Variants in CDNF observed in about 807,000 individuals in gnomAD.
CDNF encodes cerebral dopamine neurotrophic factor, also known as ARMET-like protein 1.
In CDNF, 9 loss-of-function variants were observed where a neutral mutation model predicts 14.8. The observed-to-expected ratio is 0.61, with a 90% CI of 0.37 to 1.06. CDNF has a LOEUF of 1.06. Ranked by LOEUF, CDNF falls within the 50% of genes least tolerant of loss-of-function variation. The probability of loss-of-function intolerance (pLI) is 0.01; values close to 1 mark genes in which losing one functional copy is unlikely to be tolerated. For missense variants in CDNF, 228 were observed against 228.4 expected, an observed-to-expected ratio of 1.00 and a Z score of 0.01; for synonymous variants, 86 against 87.2, an observed-to-expected ratio of 0.99 and a Z score of 0.07.
chr10:14,825,128 G>A (rs560926940), intron 3 of CDNF, among the ~76,000 whole-genome samples: 151 of 151,808 alleles, frequency 9.9e-4, no homozygotes, highest in African/African-American at 3.3e-3. Context: ...TAATTTTTTT[G>A]TATTTTTTTA....
chr10:14,826,116 CAGCAGCAGA>C (rs1381903223), intron 2 of CDNF, among the ~76,000 whole-genome samples: 1 of 119,884 alleles, frequency 8.3e-6, no homozygotes, highest in African/African-American at 3.7e-5. Flanking sequence ...GCAGCAGCAG[CAGCAGCAGA>C]AGCAGGAGAA....
chr10:14,831,526 T>C (rs1465568322), intron 1 of CDNF, among the ~76,000 whole-genome samples: 1 of 149,280 alleles, frequency 6.7e-6, no homozygotes, highest in Non-Finnish European at 1.5e-5. Context: ...AAAATACATA[T>C]ATACACATAT....
chr10:14,824,398 G>A (rs1241148828), intron 3 of CDNF, among the ~76,000 whole-genome samples: 3 of 152,110 alleles, frequency 2.0e-5, no homozygotes, highest in Non-Finnish European at 4.4e-5. Flanking sequence ...CTGAGGTCAG[G>A]AGTTCAAGAC....
At chr10:14,825,940 G>A (rs952653449) in intron 2 of CDNF, among the ~76,000 whole-genome samples, 1 of 150,908 alleles carries the variant, frequency 6.6e-6, no homozygotes, top group Non-Finnish European at 1.5e-5. Flanking sequence ...GACAGAGTGA[G>A]ACTCCATCTC....
chr10:14,821,981 G>A (rs1041246171), intron 3 of CDNF, among the ~76,000 whole-genome samples: 2 of 152,130 alleles, frequency 1.3e-5, no homozygotes, highest in African/African-American at 4.8e-5. Context: ...AAGCACTATT[G>A]GGTTTTAAAT....
chr10:14,833,052 G>A (rs577302742), intron 1 of CDNF, among the ~76,000 whole-genome samples: 1 of 151,652 alleles, frequency 6.6e-6, no homozygotes, highest in South Asian at 2.1e-4. Flanking sequence ...TAGAGATGGG[G>A]TTTCGTTATG....
At chr10:14,828,312 A>G in intron 1 of CDNF, 40 bp from the exon 2 acceptor site, 4 of 1,603,930 alleles carry the variant, frequency 2.5e-6, no homozygotes, top group Non-Finnish European at 3.4e-6. Flanking sequence ...GCACAACTTA[A>G]CCACTACCAC....
At chr10:14,829,692 C>T (rs1833828532) in intron 1 of CDNF, among the ~76,000 whole-genome samples, 1 of 152,108 alleles carries the variant, frequency 6.6e-6, no homozygotes, top group Admixed American at 6.6e-5. Context: ...TGCAATGGCG[C>T]AATCTCAACT....
At chr10:14,826,011 A>C (rs1231320305) in intron 2 of CDNF, among the ~76,000 whole-genome samples, 19 of 130,766 alleles carry the variant, frequency 1.5e-4, no homozygotes, top group African/African-American at 6.7e-4. Context: ...GAAGAAGCAG[A>C]AGCAGAAGAA....
chr10:14,826,028 GGAGAAGAAGAAGA>G (rs1564313269), intron 2 of CDNF, among the ~76,000 whole-genome samples: 2 of 107,180 alleles, frequency 1.9e-5, no homozygotes, highest in Non-Finnish European at 1.7e-5. Flanking sequence ...AGAAGAAGAA[GGAGAAGAAGAAGA>G]AGAAGAAGAA....
chr10:14,837,980 C>T lies in CDNF; in HGVS notation c.-34G>A, dbSNP rs1263562074. On this transcript the variant is annotated 5_prime_UTR_variant, in exon 1 of 4. Coordinates refer to ENST00000465530, the MANE Select transcript of CDNF (RefSeq NM_001029954.3). Reference sequence around the variant, plus strand: ...AGCAGCTTCAATCGCCTCCGCCACCCGCGCCCACCGCCCACCAAGCTGCCA... The same window carrying T: ...AGCAGCTTCAATCGCCTCCGCCACCTGCGCCCACCGCCCACCAAGCTGCCA... 1 of 1,485,108 alleles carries T rather than the reference C, an allele frequency of 6.7e-7. No homozygotes were observed. Among genetic ancestry groups the T allele is most frequent in the Non-Finnish European group, 9.2e-7 (1 of 1,089,666 alleles). The allele number at this position is 1,485,108 out of a possible 1,614,324, so 92.0% of individuals were successfully genotyped here.
At chr10:14,823,700 G>T (rs1050708510) in intron 3 of CDNF, among the ~76,000 whole-genome samples, 1 of 152,062 alleles carries the variant, frequency 6.6e-6, no homozygotes, top group African/African-American at 2.4e-5. Flanking sequence ...GCTAATTTTT[G>T]TATTTTTGTA....
At chr10:14,825,194 G>A (rs1011762423) in intron 3 of CDNF, among the ~76,000 whole-genome samples, 12 of 151,994 alleles carry the variant, frequency 7.9e-5, no homozygotes, top group Non-Finnish European at 1.8e-4. Flanking sequence ...CTGACCTTGC[G>A]ATCCGCCCGT....
Position 14,834,890 on chromosome 10 carries a change from G to A in CDNF, c.115+2942C>T, listed in dbSNP as rs369246622. Among the ~76,000 whole-genome samples, 4 of 152,164 alleles carry A rather than the reference G, an allele frequency of 2.6e-5. No homozygotes were observed. In the East Asian group the frequency reaches 5.8e-4, roughly 22 times the overall value. ...AGAATGCTATTTTGACAATGCGGAG[G>A]GGAAAACTGCTGAAGTTCTGTAAGG... On this transcript the variant is annotated intron_variant, in intron 1 of 3. Transcript: ENST00000465530.
intron 1 of CDNF, among the ~76,000 whole-genome samples, chr10:14,831,676 G>A (rs956922887): frequency 6.6e-6 from 1 of 151,764 alleles, no homozygotes; most frequent in Non-Finnish European, 1.5e-5. Context: ...TGAGGTTCAA[G>A]CAATTCTCCT....
At chr10:14,837,194 C>T (rs775430138) in intron 1 of CDNF, among the ~76,000 whole-genome samples, 1 of 152,170 alleles carries the variant, frequency 6.6e-6, no homozygotes, top group Admixed American at 6.5e-5. Flanking sequence ...AAGTGAAGTA[C>T]GCTGATTTTG....
At chr10:14,823,230 T>G (rs1833752387) in intron 3 of CDNF, among the ~76,000 whole-genome samples, 1 of 152,220 alleles carries the variant, frequency 6.6e-6, no homozygotes, top group Non-Finnish European at 1.5e-5. Flanking sequence ...TTTGAGTTTT[T>G]CTAGAGAACT....
intron 1 of CDNF, among the ~76,000 whole-genome samples, chr10:14,831,642 C>G (rs1405137364): frequency 6.6e-6 from 1 of 150,548 alleles, no homozygotes; most frequent in Non-Finnish European, 1.5e-5. Flanking sequence ...GGTGTGATCT[C>G]GGCTCAATGC....
intron 1 of CDNF, among the ~76,000 whole-genome samples, chr10:14,835,059 G>A (rs1833875670): frequency 6.6e-6 from 1 of 152,152 alleles, no homozygotes; most frequent in African/African-American, 2.4e-5. Flanking sequence ...TGCTGTCACC[G>A]TAAGCATGAC....
Sources: allele counts gnomAD v4.1 joint callset (sites outside exome capture counted in the v4.1 genomes callset), GRCh38; gene constraint gnomAD v4.1.1; transcripts MANE v1.5; gene names NCBI Gene and HGNC (gene_info 2026-07-23, HGNC 2026-07-21).